RNF13: variants seen among roughly 807,000 people sequenced by gnomAD.
RNF13 encodes ring finger protein 13, also known as E3 ubiquitin-protein ligase RNF13.
Under a neutral mutation model 37.7 loss-of-function variants are expected in RNF13, and 19 were observed. That is an observed-to-expected ratio of 0.50 (90% CI 0.35 to 0.74). The LOEUF is 0.74. RNF13 is among the 30% of genes least tolerant of loss of function. The probability of loss-of-function intolerance (pLI) is 0.01; values close to 1 mark genes in which losing one functional copy is unlikely to be tolerated. For synonymous variants in RNF13, 144 were observed against 157.8 expected, an observed-to-expected ratio of 0.91 and a Z score of 0.65; for missense variants, 375 against 453.0, an observed-to-expected ratio of 0.83 and a Z score of 1.56.
chr3:149,852,449 T>C (rs181307205), intron 2 of RNF13, 67 bp from the exon 3 acceptor site: 3 of 627,560 alleles, frequency 4.8e-6, no homozygotes, highest in Non-Finnish European at 8.0e-6. Flanking sequence ...CATAATTAAA[T>C]AAGTCTTTGT....
intron 3 of RNF13, among the ~76,000 whole-genome samples, chr3:149,869,304 G>A (rs1184916456): frequency 6.6e-6 from 1 of 151,732 alleles, no homozygotes; most frequent in Non-Finnish European, 1.5e-5. Context: ...TGAATTCTTG[G>A]TTAAAAAGTT....
At chr3:149,941,532 T>G (rs1200315698) in intron 8 of RNF13, among the ~76,000 whole-genome samples, 3 of 142,076 alleles carry the variant, frequency 2.1e-5, no homozygotes, top group East Asian at 2.0e-4. Context: ...TAAATTAGGT[T>G]TTTTTTTTTT....
rs555000229 is a variant in RNF13, at chr3:149,828,828, C to T, written c.-17+15475C>T. The stretch of plus-strand genomic sequence containing the variant: ...TTAATTATATGGATTCAATAGGGAA[C>T]TTTTTTAAAAGTCAAATTATAGGTT... On this transcript the variant is annotated intron_variant, in intron 1 of 9. Coordinates refer to ENST00000392894, the MANE Select transcript of RNF13 (RefSeq NM_183381.3). Among the ~76,000 whole-genome samples, 21 of 152,206 alleles carry T rather than the reference C, an allele frequency of 1.4e-4. No individual in the cohort carries two copies. The East Asian group carries it at 4.1e-3, about 29-fold the overall frequency.
intron 6 of RNF13, among the ~76,000 whole-genome samples, chr3:149,909,540 A>C (rs529343887): frequency 1.4e-5 from 2 of 145,524 alleles, no homozygotes; most frequent in South Asian, 4.3e-4. Context: ...TGATCCACCC[A>C]CCGTGGCCTC....
At chr3:149,951,730 T>C (rs1479806591) in intron 8 of RNF13, among the ~76,000 whole-genome samples, 1 of 152,226 alleles carries the variant, frequency 6.6e-6, no homozygotes, top group African/African-American at 2.4e-5. Context: ...TACTATTATG[T>C]AGTATGAAAG....
At chr3:149,859,322 G>T (rs1171753225) in intron 3 of RNF13, among the ~76,000 whole-genome samples, 1 of 152,114 alleles carries the variant, frequency 6.6e-6, no homozygotes, top group East Asian at 1.9e-4. Context: ...GGTATAAAAA[G>T]AATACTTTTG....
At chr3:149,918,220 G>C (rs949727070) in intron 7 of RNF13, among the ~76,000 whole-genome samples, 3 of 152,042 alleles carry the variant, frequency 2.0e-5, no homozygotes, top group Admixed American at 1.3e-4. Context: ...GTAATCTGGT[G>C]TCTATTTTAT....
At position 149,852,530 on chromosome 3, in the gene RNF13, T is replaced by A. The variant is rs1723210024; in HGVS notation, c.129T>A (p.Asn43Lys). The A allele has an allele frequency of 6.5e-7, 1 of 1,540,422 alleles. No homozygotes were observed. Among genetic ancestry groups the A allele is most frequent in the African/African-American group, 1.4e-5 (1 of 72,932 alleles). Residue 43 changes from asparagine (N) to lysine (K), a missense_variant, in exon 3 of 10, where the codon AAT becomes AAA. Physicochemically the swap from Asn to Lys is moderately conservative, Grantham distance 94. Coordinates refer to ENST00000392894, the MANE Select transcript of RNF13 (RefSeq NM_183381.3). ...EADILAYNFENASQTFDDLPA... is the reference protein window; with the variant it reads ...EADILAYNFEKASQTFDDLPA... The stretch of plus-strand genomic sequence containing the variant: ...TTTATTTTTAGTATAACTTTGAAAA[T>A]GCATCTCAGACATTTGATGACCTCC...
chr3:149,933,556 ATTAG>A (rs1275496488), intron 8 of RNF13, among the ~76,000 whole-genome samples: 1 of 149,390 alleles, frequency 6.7e-6, no homozygotes. Flanking sequence ...AATTTGCTAT[ATTAG>A]TTCTAACAGT....
chr3:149,817,899 C>A (rs1354483546), intron 1 of RNF13, among the ~76,000 whole-genome samples: 2 of 150,944 alleles, frequency 1.3e-5, no homozygotes, highest in Admixed American at 1.3e-4. Context: ...ATCTGGAGAC[C>A]CTTTGTACTT....
chr3:149,939,781 T>G (rs187986342), intron 8 of RNF13: 1 of 593,564 alleles, frequency 1.7e-6, no homozygotes, highest in East Asian at 4.1e-5. Flanking sequence ...CATGTCCATG[T>G]CCATCAAATC....
At chr3:149,927,759 T>C (rs1278944406) in intron 8 of RNF13, among the ~76,000 whole-genome samples, 1 of 152,200 alleles carries the variant, frequency 6.6e-6, no homozygotes, top group African/African-American at 2.4e-5. Context: ...ACTTGGATAT[T>C]TCCTTTGGCA....
intron 4 of RNF13, among the ~76,000 whole-genome samples, chr3:149,883,623 C>T (rs550895189): frequency 1.3e-5 from 2 of 151,416 alleles, no homozygotes; most frequent in African/African-American, 4.8e-5. Context: ...ATTTCTGGGT[C>T]TGTTTCTGTT....
At chr3:149,829,678 T>G (rs1228114254) in intron 1 of RNF13, among the ~76,000 whole-genome samples, 1 of 152,210 alleles carries the variant, frequency 6.6e-6, no homozygotes, top group Non-Finnish European at 1.5e-5. Context: ...TTTGTTTTGT[T>G]TTGGTTTCTG....
intron 8 of RNF13, among the ~76,000 whole-genome samples, chr3:149,928,509 G>A (rs749521735): frequency 3.2e-4 from 49 of 151,944 alleles, no homozygotes; most frequent in Non-Finnish European, 6.5e-4. Context: ...GGACTCTCAG[G>A]TACATTCCTT....
intron 5 of RNF13, among the ~76,000 whole-genome samples, chr3:149,901,405 A>C (rs1262784085): frequency 6.6e-6 from 1 of 152,168 alleles, no homozygotes; most frequent in Non-Finnish European, 1.5e-5. Context: ...AGTAATGGGT[A>C]ATTTTGACGA....
intron 2 of RNF13, among the ~76,000 whole-genome samples, chr3:149,848,354 A>G (rs1457653400): frequency 1.3e-5 from 2 of 152,220 alleles, no homozygotes; most frequent in East Asian, 3.8e-4. Context: ...TATGCTGTCC[A>G]TAAGGATAGA....
At chr3:149,949,739 T>C (rs984052182) in intron 8 of RNF13, among the ~76,000 whole-genome samples, 8 of 151,774 alleles carry the variant, frequency 5.3e-5, no homozygotes, top group South Asian at 4.1e-4. Context: ...TTTTTTTTTT[T>C]TTCTTCTCTT....
chr3:149,912,027 C>G lies in RNF13; in HGVS notation c.550C>G (p.Leu184Val). Reference sequence around the variant, plus strand: ...ATTTAGTCTTCCTTTGGAATACTACCTAATTCCCTTCCTTATCATAGTGGG... The same window carrying G: ...ATTTAGTCTTCCTTTGGAATACTACGTAATTCCCTTCCTTATCATAGTGGG... Reference protein sequence around the residue: ...PEFSLPLEYYLIPFLIIVGIC... With the variant: ...PEFSLPLEYYVIPFLIIVGIC... The change falls in exon 7 of 10, where the codon CTA (leucine) becomes GTA (valine). Residue 184 changes from leucine to valine, a missense_variant. Leu to Val is a conservative substitution (Grantham distance 32). Coordinates refer to ENST00000392894, the MANE Select transcript of RNF13 (RefSeq NM_183381.3). 6.2e-7 allele frequency: 1 copy of G among 1,601,656 alleles called. No homozygotes were observed. The highest frequency in any genetic ancestry group is 8.6e-7 in the Non-Finnish European group (1 of 1,169,576).
Sources: gnomAD v4.1 joint callset for allele counts (sites outside exome capture counted in the v4.1 genomes callset) on GRCh38, gnomAD v4.1.1 for gene constraint, MANE v1.5 for transcripts, NCBI Gene and HGNC (gene_info 2026-07-23, HGNC 2026-07-21) for gene names.